CAB39: variants seen among roughly 807,000 people sequenced by gnomAD.
CAB39 encodes calcium-binding protein 39.
A neutral mutation model predicts 40.0 loss-of-function variants in CAB39; 8 were observed. The ratio of observed to expected loss-of-function variants is 0.20; its 90% CI spans 0.12 to 0.36. The LOEUF is 0.36. CAB39 is among the 10% of genes least tolerant of loss of function. The probability of loss-of-function intolerance (pLI) is 1.00; values close to 1 mark genes in which losing one functional copy is unlikely to be tolerated. For synonymous variants in CAB39, 156 were observed against 141.6 expected (o/e 1.10, Z -0.72); for missense variants, 270 against 401.1 (o/e 0.67, Z 2.79).
chr2:230,812,071 A>G (rs3792066), intron 6 of CAB39, among the ~76,000 whole-genome samples: 36,868 of 152,196 alleles, frequency 0.24, 9,131 homozygotes, highest in African/African-American at 0.64. Flanking sequence ...CTAAATTCTG[A>G]TCCAGTTTGG....
At chr2:230,728,915 A>G (rs2124869855) in intron 1 of CAB39, among the ~76,000 whole-genome samples, 1 of 152,314 alleles carries the variant, frequency 6.6e-6, no homozygotes, top group East Asian at 1.9e-4. Flanking sequence ...ACCCGGCCCC[A>G]GATGCACATA....
In CAB39 at chr2:230,767,276, G is replaced by C. The variant is rs191703176; in HGVS notation, c.114+7161G>C. The stretch of plus-strand genomic sequence containing the variant: ...CGTTTTTCAGGCCAAAAGTCTTAAG[G>C]GTCACCCATGACTATTTTCTCACTC... On this transcript the variant is annotated intron_variant, in intron 2 of 8. Transcript: ENST00000258418. Among the ~76,000 whole-genome samples, 413 of 152,002 alleles carry C rather than the reference G, an allele frequency of 2.7e-3. 1 individual carries two copies. The highest frequency in any genetic ancestry group is 4.5e-3 in the Admixed American group (68 of 15,248).
intron 2 of CAB39, among the ~76,000 whole-genome samples, chr2:230,774,366 A>G (rs1695548381): frequency 6.6e-6 from 1 of 152,218 alleles, no homozygotes; most frequent in South Asian, 2.1e-4. Flanking sequence ...CAAATAGATT[A>G]GTCTCTTAGG....
intron 1 of CAB39, among the ~76,000 whole-genome samples, chr2:230,744,736 A>G (rs376276415): frequency 3.9e-5 from 6 of 152,260 alleles, no homozygotes; most frequent in African/African-American, 4.8e-5. Context: ...TTTGAAATCT[A>G]TAACAACTGC....
intron 1 of CAB39, among the ~76,000 whole-genome samples, chr2:230,736,217 C>A (rs950547889): frequency 6.6e-6 from 1 of 152,162 alleles, no homozygotes; most frequent in Admixed American, 6.5e-5. Flanking sequence ...ATTTCTACAG[C>A]AGTGAGAATA....
At chr2:230,793,159 T>G in intron 3 of CAB39, 54 bp from the exon 4 acceptor site, 3 of 974,256 alleles carry the variant, frequency 3.1e-6, no homozygotes, top group Non-Finnish European at 3.3e-6. Context: ...GGAGGGTGAA[T>G]GAGCATTTTG....
At chr2:230,771,197 A>G (rs1266113221) in intron 2 of CAB39, among the ~76,000 whole-genome samples, 1 of 152,242 alleles carries the variant, frequency 6.6e-6, no homozygotes, top group Non-Finnish European at 1.5e-5. Flanking sequence ...GTCACAGGTT[A>G]TAAGGTCAAT....
intron 1 of CAB39, among the ~76,000 whole-genome samples, chr2:230,736,435 G>A (rs553747445): frequency 2.6e-5 from 4 of 152,210 alleles, no homozygotes; most frequent in Admixed American, 6.5e-5. Context: ...TAGATAAAAA[G>A]CAATGGAAAA....
At chr2:230,727,953 C>T (rs1041249702) in intron 1 of CAB39, among the ~76,000 whole-genome samples, 3 of 152,086 alleles carry the variant, frequency 2.0e-5, no homozygotes, top group African/African-American at 7.2e-5. Context: ...ACAAAACTAG[C>T]CCAGGCCAGG....
chr2:230,744,754 A>T (rs1694944064), intron 1 of CAB39, among the ~76,000 whole-genome samples: 2 of 152,252 alleles, frequency 1.3e-5, no homozygotes, highest in African/African-American at 4.8e-5. Flanking sequence ...TGCATGGTAC[A>T]CTGAAATCAC....
At chr2:230,726,113 G>A (rs1018597628) in intron 1 of CAB39, among the ~76,000 whole-genome samples, 8 of 152,042 alleles carry the variant, frequency 5.3e-5, no homozygotes, top group Admixed American at 4.6e-4. Flanking sequence ...AATTTAAATT[G>A]GAATATTTTC....
chr2:230,772,979 CAATAAA>C (rs1168214310), intron 2 of CAB39, among the ~76,000 whole-genome samples: 1 of 60,918 alleles, frequency 1.6e-5, no homozygotes, highest in African/African-American at 8.3e-5. Context: ...TACTACTCAG[CAATAAA>C]AAAAAAAAAA....
At chr2:230,752,882 A>G (rs1276511674) in intron 1 of CAB39, among the ~76,000 whole-genome samples, 1 of 152,214 alleles carries the variant, frequency 6.6e-6, no homozygotes, top group Non-Finnish European at 1.5e-5. Flanking sequence ...GGGAAGGGGA[A>G]CATTGAAAAA....
rs973623260 is a variant in CAB39, at chr2:230,772,254, C to T, written c.114+12139C>T. On this transcript the variant is annotated intron_variant, in intron 2 of 8. Coordinates refer to ENST00000258418, the MANE Select transcript of CAB39 (RefSeq NM_016289.4). The stretch of plus-strand genomic sequence containing the variant: ...AATCCAGTTAAGAGTGGGCAAGATA[C>T]TCATATATGCATTTCACCAAAGGAG... 2.0e-5 allele frequency among the ~76,000 whole-genome samples: 3 copies of T among 152,110 alleles called. 1 individual carries two copies. The highest frequency in any genetic ancestry group is 7.2e-5 in the African/African-American group (3 of 41,428).
At chr2:230,801,200 G>A (rs1347127641) in intron 5 of CAB39, among the ~76,000 whole-genome samples, 1 of 152,150 alleles carries the variant, frequency 6.6e-6, no homozygotes, top group Non-Finnish European at 1.5e-5. Context: ...AAGACAACAT[G>A]TGAAAGAGAG....
intron 1 of CAB39, among the ~76,000 whole-genome samples, chr2:230,747,728 A>G (rs1002075472): frequency 7.9e-5 from 12 of 152,250 alleles, no homozygotes; most frequent in African/African-American, 2.7e-4. Context: ...TTGCCATATT[A>G]CTATGTTTTA....
At chr2:230,788,587 A>T (rs563879661) in intron 2 of CAB39, among the ~76,000 whole-genome samples, 4 of 152,334 alleles carry the variant, frequency 2.6e-5, no homozygotes, top group Non-Finnish European at 5.9e-5. Flanking sequence ...ACGAAGTACA[A>T]GTCTTCTGGT....
chr2:230,736,143 TTC>T (rs549867099), intron 1 of CAB39, among the ~76,000 whole-genome samples: 52 of 152,314 alleles, frequency 3.4e-4, no homozygotes, highest in African/African-American at 1.1e-3. Context: ...TTACCACATT[TTC>T]TCTGTTTGAC....
At chr2:230,781,330 G>C (rs1036908742) in intron 2 of CAB39, among the ~76,000 whole-genome samples, 22 of 152,164 alleles carry the variant, frequency 1.4e-4, no homozygotes, top group African/African-American at 5.3e-4. Context: ...ATGTGCTGCT[G>C]GGAGTTACTG....
Sources: gnomAD v4.1 joint callset for allele counts (sites outside exome capture counted in the v4.1 genomes callset) on GRCh38, gnomAD v4.1.1 for gene constraint, MANE v1.5 for transcripts, NCBI Gene and HGNC (gene_info 2026-07-23, HGNC 2026-07-21) for gene names.